CSE1L: variants seen among roughly 807,000 people sequenced by gnomAD.
CSE1L encodes chromosome segregation 1 like.
CSE1L carries 24 observed loss-of-function variants against 120.4 expected under a neutral mutation model. The ratio of observed to expected loss-of-function variants is 0.20; its 90% CI spans 0.14 to 0.28. The LOEUF (loss-of-function observed/expected upper bound fraction) is 0.28, where lower values mean the gene tolerates loss of function less well. Ranked by LOEUF, CSE1L falls within the 10% of genes least tolerant of loss-of-function variation. The probability of loss-of-function intolerance (pLI) is 1.00; values close to 1 mark genes in which losing one functional copy is unlikely to be tolerated. For synonymous variants in CSE1L, 402 were observed against 398.3 expected, an observed-to-expected ratio of 1.01 and a Z score of -0.11; for missense variants, 830 against 1,145.2, an observed-to-expected ratio of 0.72 and a Z score of 3.97.
intron 1 of CSE1L, among the ~76,000 whole-genome samples, chr20:49,051,222 G>C (rs942070302): frequency 1.1e-4 from 16 of 152,182 alleles, no homozygotes; most frequent in African/African-American, 2.4e-5. Context: ...GTGCAGCAAG[G>C]CATCTCTGAA....
Position 49,086,047 on chromosome 20 carries a change from C to T in CSE1L, c.1723+661C>T, listed in dbSNP as rs574170568. On this transcript the variant is annotated intron_variant, in intron 16 of 24. Coordinates refer to ENST00000262982, the MANE Select transcript of CSE1L (RefSeq NM_001316.4). Reference sequence around the variant, plus strand: ...GTGGTAGACTCTGCACAAATCGTGTCTTCTTACGTACTGCCAAGGACACAG... The same window carrying T: ...GTGGTAGACTCTGCACAAATCGTGTTTTCTTACGTACTGCCAAGGACACAG... Among the ~76,000 whole-genome samples the T allele has an allele frequency of 4.6e-5, 7 of 152,240 alleles. No individual in the cohort carries two copies. The East Asian group carries it at 1.3e-3, about 29-fold the overall frequency.
chr20:49,069,548 C>T (rs2091917050), intron 7 of CSE1L, among the ~76,000 whole-genome samples: 1 of 151,788 alleles, frequency 6.6e-6, no homozygotes, highest in South Asian at 2.1e-4. Context: ...AAAGCATTCC[C>T]CAAAAGGAAA....
In CSE1L at chr20:49,092,123, C is replaced by G; in HGVS notation, c.2443C>G (p.Pro815Ala). ...ACAAGAAATATTTGATGGTATACAA[C>G]CAAAGTAAGTTTGTTTTTATTATTT... is the stretch of plus-strand genomic sequence containing the variant. ...ALQEIFDGIQ[P>A]KMFGMVLEKI... Residue 815 changes from proline (P) to alanine (A), a missense_variant, in exon 22 of 25, where the codon CCA becomes GCA. Physicochemically the swap from Pro to Ala is conservative, Grantham distance 27 (BLOSUM62 -1). Around this residue, in one of 4 missense-constraint regions of CSE1L, gnomAD observed 112 missense variants for 200.0 expected, o/e 0.56. Coordinates refer to ENST00000262982, the MANE Select transcript of CSE1L (RefSeq NM_001316.4). 6.5e-7 allele frequency: 1 copy of G among 1,532,084 alleles called. No individual in the cohort carries two copies. The highest frequency in any genetic ancestry group is 8.9e-7 in the Non-Finnish European group (1 of 1,122,704). 94.9% of individuals were successfully genotyped at this position (1,532,084 alleles called of 1,614,324 possible).
At position 49,094,728 on chromosome 20, in the gene CSE1L, C is replaced by G; in HGVS notation, c.2595-4C>G. ...TTTTTATCTCTTGCTTTCTTCCAAT[C>G]CAGGACTCCATTATTACAGTCTTTG... On this transcript the variant is annotated splice_region_variant and splice_polypyrimidine_tract_variant and intron_variant, in intron 23 of 24. Coordinates refer to ENST00000262982, the MANE Select transcript of CSE1L (RefSeq NM_001316.4). 6.3e-7 allele frequency: 1 copy of G among 1,597,240 alleles called. No individual in the cohort carries two copies. The highest frequency in any genetic ancestry group is 1.3e-5 in the African/African-American group (1 of 74,666).
In CSE1L at chr20:49,085,398, C is replaced by A; in HGVS notation, c.1723+12C>A. On this transcript the variant is annotated intron_variant, in intron 16 of 24. Transcript: ENST00000262982. ...ATATATTATGAAAGGTAGGCTGTTT[C>A]CCTGGTGTGCAGACTACAGGTATCC... 4 of 1,593,086 alleles carry A rather than the reference C, an allele frequency of 2.5e-6. No individual in the cohort carries two copies. Among genetic ancestry groups the A allele is most frequent in the South Asian group, 1.1e-5 (1 of 90,572 alleles).
Position 49,070,188 on chromosome 20 carries a change from C to CA in CSE1L, c.676-16dup. On this transcript the variant is annotated splice_polypyrimidine_tract_variant and intron_variant, in intron 7 of 24. Transcript: ENST00000262982. ...AATATTTTAATCAAAAGTTTCAAGT[C>CA]AGTGTTTATTCTGTAGGATCTCCCT... 8.6e-7 allele frequency: 1 copy of CA among 1,167,650 alleles called. No individual in the cohort carries two copies. The highest frequency in any genetic ancestry group is 1.2e-6 in the Non-Finnish European group (1 of 814,136). The allele number at this position is 1,167,650 out of a possible 1,614,324, so 72.3% of individuals were successfully genotyped here.
intron 1 of CSE1L, among the ~76,000 whole-genome samples, chr20:49,057,872 T>C (rs2426111): frequency 5.2e-4 from 79 of 152,298 alleles, no homozygotes; most frequent in Non-Finnish European, 1.1e-3. Context: ...CCTCAGGTGA[T>C]CCGCCTGCCT....
intron 1 of CSE1L, among the ~76,000 whole-genome samples, chr20:49,048,772 T>C (rs972878790): frequency 6.6e-6 from 1 of 152,200 alleles, no homozygotes; most frequent in Non-Finnish European, 1.5e-5. Context: ...ATTCCTATGG[T>C]TAGAAAGCAG....
chr20:49,074,837 T>C lies in CSE1L; in HGVS notation c.1119T>C (p.Asp373=). 3.1e-6 allele frequency: 5 copies of C among 1,612,642 alleles called. No homozygotes were observed. The highest frequency in any genetic ancestry group is 4.2e-6 in the Non-Finnish European group (5 of 1,179,450). ...EDNSEEYIRR[D]LEGSDIDTRR... is the part of the protein sequence containing the mutation. ...ATTCTGAGGAGTACATAAGGAGAGA[T>C]TTGGAAGGATCTGGTGTGTATCTTG... is the stretch of plus-strand genomic sequence containing the variant. The change falls in exon 11 of 25, where the codon GAT becomes GAC. Residue 373 remains aspartate, a synonymous_variant. Transcript: ENST00000262982.
chr20:49,069,994 G>A (rs891131306), intron 7 of CSE1L, among the ~76,000 whole-genome samples: 2 of 152,202 alleles, frequency 1.3e-5, no homozygotes, highest in African/African-American at 2.4e-5. Flanking sequence ...ACTAGAGGTG[G>A]CATCATTTAT....
rs745390137 is a variant in CSE1L at position 49,084,167 on chromosome 20, GTATTT to G, written c.1619+10_1619+14del. On this transcript the variant is annotated splice_donor_region_variant and intron_variant, in intron 15 of 24. Transcript: ENST00000262982. ...AGGGCCTAACAATGCCACTCTGTGA[GTATTT>G]TATTCTAAAGTTTTTTAGCCTGGGG... 8.7e-5 allele frequency: 141 copies of G among 1,613,416 alleles called. No homozygotes were observed. The highest frequency in any genetic ancestry group is 1.1e-4 in the Non-Finnish European group (127 of 1,179,690).
chr20:49,076,217 C>T (rs747321207), intron 12 of CSE1L, among the ~76,000 whole-genome samples: 21 of 151,970 alleles, frequency 1.4e-4, no homozygotes, highest in Non-Finnish European at 2.6e-4. Flanking sequence ...GACGGAGTTT[C>T]GCTCTTGTTG....
chr20:49,070,015 CAG>C lies in CSE1L; in HGVS notation c.676-187_676-186del, dbSNP rs1379114834. On this transcript the variant is annotated intron_variant, in intron 7 of 24. Coordinates refer to ENST00000262982, the MANE Select transcript of CSE1L (RefSeq NM_001316.4). ...GGTGGCATCATTTATAGCATACAAA[CAG>C]AGGCAGAAGTCAGAATGCTTTATGC... Among the ~76,000 whole-genome samples, 3 of 152,204 alleles carry C rather than the reference CAG, an allele frequency of 2.0e-5. No homozygotes were observed. In the East Asian group the frequency reaches 5.8e-4, roughly 29 times the overall value.
At chr20:49,049,037 C>T (rs2123634639) in intron 1 of CSE1L, among the ~76,000 whole-genome samples, 1 of 152,286 alleles carries the variant, frequency 6.6e-6, no homozygotes, top group East Asian at 1.9e-4. Flanking sequence ...AGATGCTAGA[C>T]TTAGGTCTGG....
chr20:49,049,387 C>A (rs2091748154), intron 1 of CSE1L, among the ~76,000 whole-genome samples: 1 of 151,880 alleles, frequency 6.6e-6, no homozygotes, highest in Non-Finnish European at 1.5e-5. Flanking sequence ...CACCATGTTG[C>A]CCAGGTTGGT....
chr20:49,056,723 T>G (rs2091810341), intron 1 of CSE1L, among the ~76,000 whole-genome samples: 1 of 152,018 alleles, frequency 6.6e-6, no homozygotes. Flanking sequence ...ATTGAGTGGG[T>G]TCAGACTCCT....
intron 16 of CSE1L, 66 bp downstream of exon 16, chr20:49,085,452 G>T (rs897314596): frequency 2.7e-5 from 29 of 1,080,610 alleles, no homozygotes; most frequent in Non-Finnish European, 3.8e-5. Flanking sequence ...TGAGCACTCT[G>T]AGTTATACTT....
intron 24 of CSE1L, 71 bp from the exon 25 acceptor site, chr20:49,096,278 C>T (rs2426129): frequency 1.1e-5 from 13 of 1,213,938 alleles, no homozygotes; most frequent in Admixed American, 1.7e-5. Flanking sequence ...GCAGCTCTCC[C>T]GTAGAAGATG....
chr20:49,095,898 T>C (rs1288630311), intron 24 of CSE1L, among the ~76,000 whole-genome samples: 3 of 152,042 alleles, frequency 2.0e-5, no homozygotes, highest in Non-Finnish European at 4.4e-5. Flanking sequence ...TGTATATATA[T>C]GTATATATAT....
Sources: gnomAD v4.1 joint callset for allele counts (sites outside exome capture counted in the v4.1 genomes callset) on GRCh38, gnomAD v4.1.1 for gene constraint, gnomAD v4.1.1 regional missense constraint, MANE v1.5 for transcripts, NCBI Gene and HGNC (gene_info 2026-07-23, HGNC 2026-07-21) for gene names.